CFAP20DC: variants seen among roughly 807,000 people sequenced by gnomAD.
The protein encoded by CFAP20DC is CFAP20 domain containing.
CFAP20DC carries 84 observed loss-of-function variants against 101.7 expected under a neutral mutation model. The observed-to-expected ratio is 0.83, with a 90% CI of 0.69 to 0.99. The LOEUF is 0.99. Ranked by LOEUF, CFAP20DC falls within the 50% of genes least tolerant of loss-of-function variation. CFAP20DC has a pLI of 0.00. For synonymous variants in CFAP20DC, 359 were observed against 351.2 expected (o/e 1.02, Z -0.25); for missense variants, 1,007 against 970.3 (o/e 1.04, Z -0.50).
intron 4 of CFAP20DC, among the ~76,000 whole-genome samples, chr3:58,942,511 G>T (rs1366167088): frequency 6.6e-6 from 1 of 152,188 alleles, no homozygotes; most frequent in African/African-American, 2.4e-5. Context: ...AGCCGTGAGG[G>T]ACTGTGCCAT....
intron 4 of CFAP20DC, among the ~76,000 whole-genome samples, chr3:59,004,386 C>T (rs1303522523): frequency 1.3e-5 from 2 of 152,100 alleles, no homozygotes. Context: ...AAGTGACATA[C>T]TAATTTAAGG....
At chr3:59,032,910 C>T (rs2094024256) in intron 4 of CFAP20DC, among the ~76,000 whole-genome samples, 1 of 152,106 alleles carries the variant, frequency 6.6e-6, no homozygotes, top group South Asian at 2.1e-4. Flanking sequence ...CTAGGAGACA[C>T]CTCCCAGCAG....
At chr3:58,850,151 T>C (rs560159200) in intron 12 of CFAP20DC, among the ~76,000 whole-genome samples, 84 of 152,282 alleles carry the variant, frequency 5.5e-4, no homozygotes, top group Admixed American at 9.8e-4. Context: ...ATGAAATCAA[T>C]GGCAATGAAA....
chr3:58,981,107 T>C (rs1381701263), intron 4 of CFAP20DC, among the ~76,000 whole-genome samples: 4 of 152,150 alleles, frequency 2.6e-5, no homozygotes, highest in African/African-American at 9.7e-5. Flanking sequence ...CCATTCACAA[T>C]TGCTTCAAAG....
chr3:58,817,398 T>G (rs1159220242), intron 14 of CFAP20DC, among the ~76,000 whole-genome samples: 28 of 149,978 alleles, frequency 1.9e-4, no homozygotes, highest in Non-Finnish European at 3.7e-4. Context: ...TCGAAAAAAA[T>G]TTAGAAGAAT....
intron 16 of CFAP20DC, 83 bp from the exon 17 acceptor site, chr3:58,742,655 C>A: frequency 1.1e-6 from 1 of 945,984 alleles, no homozygotes; most frequent in Non-Finnish European, 1.6e-6. Flanking sequence ...CAGGAATCAC[C>A]ATCTCTCCTG....
At chr3:58,872,505 A>G (rs903485201) in intron 7 of CFAP20DC, among the ~76,000 whole-genome samples, 1 of 152,176 alleles carries the variant, frequency 6.6e-6, no homozygotes, top group Non-Finnish European at 1.5e-5. Flanking sequence ...TGTGTTTGTA[A>G]TAGATAAATC....
intron 4 of CFAP20DC, among the ~76,000 whole-genome samples, chr3:59,021,801 G>A (rs1039019390): frequency 5.9e-5 from 9 of 152,044 alleles, no homozygotes; most frequent in African/African-American, 1.4e-4. Flanking sequence ...GAGTAGCTGC[G>A]GGGAAGAGAG....
At chr3:58,757,955 C>T (rs2107314759) in intron 15 of CFAP20DC, among the ~76,000 whole-genome samples, 1 of 152,146 alleles carries the variant, frequency 6.6e-6, no homozygotes, top group African/African-American at 2.4e-5. Context: ...TAAACAAAAT[C>T]AACCAGGACT....
At chr3:58,862,182 A>G (rs17059910) in intron 12 of CFAP20DC, 20,660 of 974,400 alleles carry the variant, frequency 0.021, 244 homozygotes, top group Non-Finnish European at 0.023. Flanking sequence ...GCCCACTATT[A>G]GAGTAATGCT....
At chr3:58,751,152 C>T (rs1296855945) in intron 16 of CFAP20DC, among the ~76,000 whole-genome samples, 3 of 152,124 alleles carry the variant, frequency 2.0e-5, no homozygotes, top group Admixed American at 6.5e-5. Flanking sequence ...CTGGAATTTG[C>T]ACAGGGCACC....
At chr3:58,857,283 A>C (rs539754719) in intron 12 of CFAP20DC, among the ~76,000 whole-genome samples, 1 of 152,224 alleles carries the variant, frequency 6.6e-6, no homozygotes, top group African/African-American at 2.4e-5. Context: ...AAATCAATGC[A>C]TTTGGTAAGA....
intron 12 of CFAP20DC, among the ~76,000 whole-genome samples, chr3:58,852,174 G>A (rs751079448): frequency 5.9e-5 from 9 of 152,072 alleles, no homozygotes; most frequent in Non-Finnish European, 1.2e-4. Flanking sequence ...GTAAAGCCAT[G>A]TTTCTTCTCC....
chr3:58,728,712 C>A lies in CFAP20DC; in HGVS notation c.198-11084G>T, dbSNP rs114683318. Among the ~76,000 whole-genome samples the A allele has an allele frequency of 6.6e-6, 1 of 152,096 alleles. No homozygotes were observed. The highest frequency in any genetic ancestry group is 2.4e-5 in the African/African-American group (1 of 41,410). ...TGGTAAATGCATGAACTCTACACAC[C>A]GTATTGGAGAGAACTGACATTTTAA... On this transcript the variant is annotated intron_variant, in intron 3 of 3. Coordinates refer to the CFAP20DC transcript ENST00000486145. The surrounding 1 kb of genome is among the most constrained non-coding windows in gnomAD (Gnocchi z 4.7).
At chr3:58,928,977 G>A (rs551122142) in intron 5 of CFAP20DC, among the ~76,000 whole-genome samples, 3 of 152,100 alleles carry the variant, frequency 2.0e-5, no homozygotes, top group Non-Finnish European at 4.4e-5. Flanking sequence ...GAGGAAGACA[G>A]ATGAATTGAA....
intron 5 of CFAP20DC, among the ~76,000 whole-genome samples, chr3:58,932,764 C>T (rs1353927337): frequency 6.6e-6 from 1 of 152,192 alleles, no homozygotes; most frequent in African/African-American, 2.4e-5. Context: ...AAAAGAGCTC[C>T]TGAAGGAAGC....
At chr3:59,041,436 G>A (rs879798219) in intron 3 of CFAP20DC, among the ~76,000 whole-genome samples, 1 of 151,950 alleles carries the variant, frequency 6.6e-6, no homozygotes, top group African/African-American at 2.4e-5. Context: ...CAAAAAAAAA[G>A]TACTTTAATA....
intron 15 of CFAP20DC, among the ~76,000 whole-genome samples, chr3:58,773,327 G>T (rs1205919389): frequency 2.7e-5 from 4 of 150,724 alleles, no homozygotes; most frequent in Admixed American, 2.6e-4. Flanking sequence ...GAGGCTGGGG[G>T]ATCACTTATG....
intron 16 of CFAP20DC, among the ~76,000 whole-genome samples, chr3:58,744,856 TG>T (rs2068086584): frequency 6.6e-6 from 1 of 151,932 alleles, no homozygotes; most frequent in Admixed American, 6.6e-5. Context: ...AAGCAGAGAG[TG>T]GGGCAACGAT....
Sources: allele counts gnomAD v4.1 joint callset (sites outside exome capture counted in the v4.1 genomes callset), GRCh38; gene constraint gnomAD v4.1.1; non-coding constraint Gnocchi (gnomAD v3.1); transcripts MANE v1.5; gene names NCBI Gene and HGNC (gene_info 2026-07-23, HGNC 2026-07-21).